Variants in AGAP1 observed in about 807,000 individuals in gnomAD.
AGAP1 encodes arf-GAP with GTPase, ANK repeat and PH domain-containing protein 1.
In AGAP1, 29 loss-of-function variants were observed where a neutral mutation model predicts 105.3. That is an observed-to-expected ratio of 0.28 (90% CI 0.21 to 0.38). The LOEUF (loss-of-function observed/expected upper bound fraction) is 0.38, where lower values mean the gene tolerates loss of function less well. AGAP1 is among the 10% of genes least tolerant of loss of function. AGAP1 has a pLI of 1.00. For missense variants in AGAP1, 998 were observed against 1,165.1 expected, an observed-to-expected ratio of 0.86 and a Z score of 2.09; for synonymous variants, 509 against 485.9, an observed-to-expected ratio of 1.05 and a Z score of -0.63.
intron 1 of AGAP1, among the ~76,000 whole-genome samples, chr2:235,698,154 T>C (rs555036315): frequency 6.6e-6 from 1 of 152,178 alleles, no homozygotes; most frequent in African/African-American, 2.4e-5. Flanking sequence ...ACAGGTGTGG[T>C]TCACAGTGGA....
In AGAP1 at chr2:236,120,976, T is replaced by G. The variant is rs1478054503; in HGVS notation, c.2370+529T>G. ...GGAGTGAAAGAGAAGGATAAAGTGG[T>G]TGTGCAGAGAGGCCCTGCCTGTGCC... On this transcript the variant is annotated intron_variant, in intron 17 of 17. Transcript: ENST00000304032. This position sits in a 1 kb window ranked among gnomAD's most constrained non-coding sequence, Gnocchi z 6.0. 6.6e-6 allele frequency among the ~76,000 whole-genome samples: 1 copy of G among 152,226 alleles called. No individual in the cohort carries two copies. Among genetic ancestry groups the G allele is most frequent in the Admixed American group, 6.5e-5 (1 of 15,276 alleles).
chr2:235,904,578 G>T lies in AGAP1; in HGVS notation c.1156-4160G>T, dbSNP rs1032851150. Among the ~76,000 whole-genome samples the T allele has an allele frequency of 6.6e-6, 1 of 152,102 alleles. No individual in the cohort carries two copies. Among genetic ancestry groups the T allele is most frequent in the Non-Finnish European group, 1.5e-5 (1 of 68,028 alleles). ...TATCTTCGATCAGCATTTTCAACAA[G>T]GAACATGGAGAAGGGTAGTATCTGT... is the stretch of plus-strand genomic sequence containing the variant. On this transcript the variant is annotated intron_variant, in intron 10 of 17. Transcript: ENST00000304032. The surrounding 1 kb of genome is among the most constrained non-coding windows in gnomAD (Gnocchi z 4.2).
chr2:235,897,598 A>G (rs753398442), intron 10 of AGAP1, among the ~76,000 whole-genome samples: 2 of 152,088 alleles, frequency 1.3e-5, no homozygotes, highest in African/African-American at 2.4e-5. Flanking sequence ...CTTTGTACCC[A>G]ATTGATAACA....
Position 235,659,227 on chromosome 2 carries a change from G to A in AGAP1, c.164-49952G>A, listed in dbSNP as rs1308496119. On this transcript the variant is annotated intron_variant, in intron 1 of 17. Coordinates refer to ENST00000304032, the MANE Select transcript of AGAP1 (RefSeq NM_001037131.3). The surrounding 1 kb of genome is among the most constrained non-coding windows in gnomAD (Gnocchi z 5.0). ...CCCACCCTTTACAGTGAGATCCAGG[G>A]ACCTTTTTAACCTGTGACTGACTTT... 6.6e-6 allele frequency among the ~76,000 whole-genome samples: 1 copy of A among 152,194 alleles called. No individual in the cohort carries two copies. Among genetic ancestry groups the A allele is most frequent in the Non-Finnish European group, 1.5e-5 (1 of 68,030 alleles).
chr2:235,503,176 C>G (rs1435772175), intron 1 of AGAP1, among the ~76,000 whole-genome samples: 2 of 152,138 alleles, frequency 1.3e-5, no homozygotes, highest in Non-Finnish European at 2.9e-5. Context: ...TGCTGGCTAG[C>G]TTATGTAATG....
intron 9 of AGAP1, among the ~76,000 whole-genome samples, chr2:235,876,140 T>C (rs2049715513): frequency 6.6e-6 from 1 of 152,238 alleles, no homozygotes; most frequent in Non-Finnish European, 1.5e-5. Flanking sequence ...TACTTCATTG[T>C]TCTCTAGCTT....
At chr2:235,699,981 T>A (rs1950175556) in intron 1 of AGAP1, among the ~76,000 whole-genome samples, 1 of 152,180 alleles carries the variant, frequency 6.6e-6, no homozygotes, top group Admixed American at 6.5e-5. Flanking sequence ...GGGATGAACT[T>A]CTTCCCTGCA....
At chr2:235,657,763 C>CGTTT (rs1947820617) in intron 1 of AGAP1, among the ~76,000 whole-genome samples, 1 of 152,160 alleles carries the variant, frequency 6.6e-6, no homozygotes, top group Non-Finnish European at 1.5e-5. Context: ...GTTTTAAGTC[C>CGTTT]TAACCCCCAG....
chr2:235,583,386 C>T (rs1944997631), intron 1 of AGAP1, among the ~76,000 whole-genome samples: 1 of 152,062 alleles, frequency 6.6e-6, no homozygotes, highest in African/African-American at 2.4e-5. Context: ...GTTGGTCTCA[C>T]TGCCATATAA....
rs766843373 is a variant in AGAP1 at position 235,750,496 on chromosome 2, C to A, written c.673+8C>A. 1 of 1,613,972 alleles carries A rather than the reference C, an allele frequency of 6.2e-7. No homozygotes were observed. Among genetic ancestry groups the A allele is most frequent in the Non-Finnish European group, 8.5e-7 (1 of 1,179,902 alleles). On this transcript the variant is annotated splice_region_variant and intron_variant, in intron 6 of 17. Coordinates refer to ENST00000304032, the MANE Select transcript of AGAP1 (RefSeq NM_001037131.3). The surrounding 1 kb of genome is among the most constrained non-coding windows in gnomAD (Gnocchi z 5.3). ...AGAGGGTCTTCCAGGACGGTAAATG[C>A]GCGTGGCTGGGAGTTTAATTTCAGT...
At chr2:235,538,795 G>C (rs1943337880) in intron 1 of AGAP1, among the ~76,000 whole-genome samples, 1 of 152,104 alleles carries the variant, frequency 6.6e-6, no homozygotes, top group South Asian at 2.1e-4. Flanking sequence ...TAGTATCCTG[G>C]AGCCAGGCTT....
chr2:235,566,540 T>C lies in AGAP1; in HGVS notation c.163+71691T>C. 1 of 983,806 alleles carries C rather than the reference T, an allele frequency of 1.0e-6. No homozygotes were observed. Among genetic ancestry groups the C allele is most frequent in the Non-Finnish European group, 1.2e-6 (1 of 828,422 alleles). The allele number at this position is 983,806 out of a possible 1,614,324, so 60.9% of individuals were successfully genotyped here. A position where few individuals can be genotyped will look rare whatever the true frequency, so the allele number is the denominator to read the frequency against. On this transcript the variant is annotated intron_variant, in intron 1 of 17. Transcript: ENST00000304032. This position sits in a 1 kb window ranked among gnomAD's most constrained non-coding sequence, Gnocchi z 5.2. ...CAAATCATCAGTGCGCCGTACGTTTTGGCCAGCACTTTATTTTATGGAACA... is the reference window on the plus strand; with the variant it reads ...CAAATCATCAGTGCGCCGTACGTTTCGGCCAGCACTTTATTTTATGGAACA...
chr2:235,670,812 C>T, intron 1 of AGAP1: 1 of 1,420,810 alleles, frequency 7.0e-7, no homozygotes, highest in Non-Finnish European at 9.3e-7. Flanking sequence ...AAGAACCGCA[C>T]GCTGGACAAC....
At chr2:235,527,523 A>G (rs1239838738) in intron 1 of AGAP1, among the ~76,000 whole-genome samples, 10 of 152,130 alleles carry the variant, frequency 6.6e-5, no homozygotes, top group African/African-American at 1.9e-4. Context: ...GGTGTGCACC[A>G]TCATGCCTGG....
chr2:235,871,651 A>G (rs571895569), intron 9 of AGAP1, among the ~76,000 whole-genome samples: 1 of 152,338 alleles, frequency 6.6e-6, no homozygotes, highest in South Asian at 2.1e-4. Context: ...GTTGCTGCAT[A>G]AGGATCCACC....
At chr2:235,575,641 G>A (rs1445337764) in intron 1 of AGAP1, among the ~76,000 whole-genome samples, 2 of 152,334 alleles carry the variant, frequency 1.3e-5, no homozygotes, top group African/African-American at 2.4e-5. Flanking sequence ...TCAGACATGC[G>A]CCCTGGGCTC....
chr2:235,575,939 A>G (rs1243708825), intron 1 of AGAP1, among the ~76,000 whole-genome samples: 1 of 152,052 alleles, frequency 6.6e-6, no homozygotes, highest in Non-Finnish European at 1.5e-5. Flanking sequence ...AGATGATGTG[A>G]AAAAAAAGTG....
intron 9 of AGAP1, among the ~76,000 whole-genome samples, chr2:235,832,737 C>T (rs1411699507): frequency 1.3e-5 from 2 of 152,162 alleles, no homozygotes; most frequent in African/African-American, 2.4e-5. Context: ...CTGAAGTGAC[C>T]ACGTGCAAAC....
intron 16 of AGAP1, among the ~76,000 whole-genome samples, chr2:236,118,560 T>C (rs1476721429): frequency 6.6e-6 from 1 of 151,950 alleles, no homozygotes; most frequent in Non-Finnish European, 1.5e-5. Context: ...GGCTAATTTT[T>C]GTATTTTTAG....
Sources: gnomAD v4.1 joint callset for allele counts (sites outside exome capture counted in the v4.1 genomes callset) on GRCh38, gnomAD v4.1.1 for gene constraint, Gnocchi (gnomAD v3.1) non-coding constraint, MANE v1.5 for transcripts, NCBI Gene and HGNC (gene_info 2026-07-23, HGNC 2026-07-21) for gene names.